The following IL6ST variants were observed in gnomAD, a reference collection of about 807,000 sequenced individuals.
The protein encoded by IL6ST is interleukin 6 cytokine family signal transducer.
Under a neutral mutation model 91.3 loss-of-function variants are expected in IL6ST, and 24 were observed. That is an observed-to-expected ratio of 0.26 (90% CI 0.19 to 0.37). The LOEUF (loss-of-function observed/expected upper bound fraction) is 0.37. Ranked by LOEUF, IL6ST falls within the 10% of genes least tolerant of loss-of-function variation. The pLI, the probability that IL6ST is intolerant of heterozygous loss-of-function variation, is 1.00. For missense variants in IL6ST, 914 were observed against 1,078.5 expected (o/e 0.85, Z 2.14); for synonymous variants, 351 against 373.6 (o/e 0.94, Z 0.70).
In IL6ST at chr5:55,939,550, T is replaced by C. The variant is rs1750751381; in HGVS notation, c.*1532A>G. Reference sequence around the variant, plus strand: ...TTCTCCAATAACCTCTAGAAACTATTCTAAGCATGCCTGGTTTCTGTAACT... The same window carrying C: ...TTCTCCAATAACCTCTAGAAACTATCCTAAGCATGCCTGGTTTCTGTAACT... On this transcript the variant is annotated 3_prime_UTR_variant, in exon 17 of 17. Coordinates refer to ENST00000381298, the MANE Select transcript of IL6ST (RefSeq NM_002184.4). 2 of 205,886 alleles carry C rather than the reference T, an allele frequency of 9.7e-6. No homozygotes were observed. Among genetic ancestry groups the C allele is most frequent in the Admixed American group, 5.9e-5 (1 of 16,888 alleles). 12.8% of individuals were successfully genotyped at this position (205,886 alleles called of 1,614,324 possible).
chr5:55,950,394 AGG>A (rs2111664257), intron 14 of IL6ST, among the ~76,000 whole-genome samples: 1 of 151,814 alleles, frequency 6.6e-6, no homozygotes, highest in South Asian at 2.1e-4. Context: ...AAAATTAGCC[AGG>A]CATGGTAGTG....
chr5:55,954,332 C>T (rs182958759), intron 11 of IL6ST, among the ~76,000 whole-genome samples: 3 of 152,254 alleles, frequency 2.0e-5, no homozygotes, highest in Non-Finnish European at 4.4e-5. Flanking sequence ...CAGACTGGAG[C>T]GCTACGATTC....
At chr5:55,957,955 T>G (rs1304853059) in intron 8 of IL6ST, among the ~76,000 whole-genome samples, 1 of 152,162 alleles carries the variant, frequency 6.6e-6, no homozygotes, top group Non-Finnish European at 1.5e-5. Context: ...CTCCTAAATA[T>G]TCACAAGAAT....
At position 55,976,963 on chromosome 5, in the gene IL6ST, C is replaced by T. The variant is rs188661002; in HGVS notation, c.-15-670G>A. ...GACTTGGTATTTCCACTCCAAAGAG[C>T]GTACTCCCCAAAATAAAAACATATG... On this transcript the variant is annotated intron_variant, in intron 2 of 16. Transcript: ENST00000381298. Among the ~76,000 whole-genome samples, 22 of 152,228 alleles carry T rather than the reference C, an allele frequency of 1.4e-4. No individual in the cohort carries two copies. In the East Asian group the frequency reaches 3.9e-3, roughly 27 times the overall value.
intron 5 of IL6ST, among the ~76,000 whole-genome samples, chr5:55,967,089 A>C (rs1752674249): frequency 6.6e-6 from 1 of 151,948 alleles, no homozygotes; most frequent in Admixed American, 6.6e-5. Flanking sequence ...AGGCAGCCAG[A>C]TCACGAGGTC....
intron 5 of IL6ST, 52 bp from the exon 6 acceptor site, chr5:55,964,364 T>C (rs368007724): frequency 6.7e-5 from 91 of 1,365,022 alleles, no homozygotes; most frequent in South Asian, 3.3e-4. Flanking sequence ...CTGAAAAAAT[T>C]AGAGTGAAAA....
At chr5:55,978,777 G>A (rs1397657046) in intron 2 of IL6ST, among the ~76,000 whole-genome samples, 12 of 152,120 alleles carry the variant, frequency 7.9e-5, no homozygotes, top group African/African-American at 2.4e-4. Flanking sequence ...GATAAGAAAC[G>A]CAGAAATGTT....
At chr5:55,942,448 C>G (rs1750978593) in intron 16 of IL6ST, among the ~76,000 whole-genome samples, 1 of 152,128 alleles carries the variant, frequency 6.6e-6, no homozygotes, top group Non-Finnish European at 1.5e-5. Context: ...AACAAATATA[C>G]TATGATGGTG....
intron 11 of IL6ST, among the ~76,000 whole-genome samples, chr5:55,952,984 C>A (rs1032059212): frequency 1.3e-5 from 2 of 152,054 alleles, no homozygotes; most frequent in Admixed American, 6.5e-5. Context: ...TCACTTGAAC[C>A]CAGGAGGCGG....
chr5:55,975,931 T>C (rs1753262817), intron 3 of IL6ST, among the ~76,000 whole-genome samples: 1 of 151,506 alleles, frequency 6.6e-6, no homozygotes, highest in African/African-American at 2.4e-5. Flanking sequence ...CACACTTCTT[T>C]CCTTCCCCAT....
intron 1 of IL6ST, among the ~76,000 whole-genome samples, chr5:55,985,134 T>C (rs1328830451): frequency 6.6e-6 from 1 of 152,230 alleles, no homozygotes; most frequent in Non-Finnish European, 1.5e-5. Context: ...TTTAACAGTA[T>C]CTTTTGACGA....
chr5:55,957,217 C>G lies in IL6ST; in HGVS notation c.1048G>C (p.Val350Leu). The G allele has an allele frequency of 6.7e-7, 1 of 1,491,682 alleles. No homozygotes were observed. The highest frequency in any genetic ancestry group is 9.1e-7 in the Non-Finnish European group (1 of 1,101,924). 92.4% of individuals were successfully genotyped at this position (1,491,682 alleles called of 1,614,324 possible). Residue 350 changes from valine (V) to leucine (L), a missense_variant, in exon 9 of 17, where the codon GTG becomes CTG. Val to Leu is a conservative substitution (Grantham distance 32). Transcript: ENST00000381298. ...TAAATGTGATTTTTTACCTTCCACA[C>G]GAGTTGTACAGTTCTGTAGCCTTGA... ...HTQGYRTVQL[V>L]WKTLPPFEAN... is the part of the protein sequence containing the mutation.
In IL6ST at chr5:55,947,572, C is replaced by T. The variant is rs2111639827; in HGVS notation, c.1858G>A (p.Ala620Thr). 1 of 829,740 alleles carries T rather than the reference C, an allele frequency of 1.2e-6. No homozygotes were observed. Among genetic ancestry groups the T allele is most frequent in the Non-Finnish European group, 1.8e-6 (1 of 547,200 alleles). 51.4% of individuals were successfully genotyped at this position (829,740 alleles called of 1,614,324 possible). The change falls in exon 15 of 17, where the codon GCC becomes ACC. Residue 620 changes from alanine to threonine, a missense_variant. Transcript: ENST00000381298. ...TPKFAQGEIE[A>T]IVVPVCLAFL... ...GCTAAGCAAACAGGCACGACTATGG[C>T]TTCAATTTCTCCTTGAGCTTAAAAA... is the stretch of plus-strand genomic sequence containing the variant.
intron 6 of IL6ST, among the ~76,000 whole-genome samples, chr5:55,963,761 T>C (rs988033468): frequency 2.5e-4 from 38 of 152,168 alleles, no homozygotes; most frequent in Admixed American, 5.2e-4. Flanking sequence ...CAAATATTTA[T>C]GATATCAAAT....
At chr5:55,966,521 CAT>C (rs1223105725) in intron 5 of IL6ST, among the ~76,000 whole-genome samples, 5 of 152,076 alleles carry the variant, frequency 3.3e-5, no homozygotes, top group African/African-American at 9.7e-5. Flanking sequence ...TATTTAAAAA[CAT>C]AATACTGAAC....
chr5:55,971,396 C>T (rs2111824887), intron 3 of IL6ST, among the ~76,000 whole-genome samples: 1 of 152,334 alleles, frequency 6.6e-6, no homozygotes, highest in Admixed American at 6.5e-5. Flanking sequence ...GTTTATCTTA[C>T]ATACTACTGT....
Position 55,938,916 on chromosome 5 carries a change from T to C in IL6ST, c.*2166A>G, listed in dbSNP as rs1391630467. The stretch of plus-strand genomic sequence containing the variant: ...GGTATATTCACTCACTGTACCATGT[T>C]TTATACAGGCTTCAACATGCAAATT... On this transcript the variant is annotated 3_prime_UTR_variant, in exon 17 of 17. Coordinates refer to ENST00000381298, the MANE Select transcript of IL6ST (RefSeq NM_002184.4). The C allele has an allele frequency of 4.9e-6, 1 of 203,354 alleles. No homozygotes were observed. Among genetic ancestry groups the C allele is most frequent in the Non-Finnish European group, 1.0e-5 (1 of 99,074 alleles). The allele number at this position is 203,354 out of a possible 1,614,324, so 12.6% of individuals were successfully genotyped here.
chr5:55,989,105 A>T (rs992411999), intron 1 of IL6ST, among the ~76,000 whole-genome samples: 11 of 148,642 alleles, frequency 7.4e-5, no homozygotes, highest in African/African-American at 2.8e-4. Context: ...ATTGTACTCC[A>T]GCCTGGGTAA....
At chr5:55,969,329 G>C (rs182812665) in intron 4 of IL6ST, among the ~76,000 whole-genome samples, 3 of 151,460 alleles carry the variant, frequency 2.0e-5, no homozygotes, top group African/African-American at 4.9e-5. Context: ...TGGTGGGGGG[G>C]GTCTCATGTC....
Sources: gnomAD v4.1 joint callset for allele counts (sites outside exome capture counted in the v4.1 genomes callset) on GRCh38, gnomAD v4.1.1 for gene constraint, MANE v1.5 for transcripts, NCBI Gene and HGNC (gene_info 2026-07-23, HGNC 2026-07-21) for gene names.